The following ASAP1 variants were observed in gnomAD, a reference collection of about 807,000 sequenced individuals.
ASAP1 encodes ArfGAP with SH3 domain, ankyrin repeat and PH domain 1.
A neutral mutation model predicts 145.2 loss-of-function variants in ASAP1; 43 were observed. The ratio of observed to expected loss-of-function variants is 0.30; its 90% CI spans 0.23 to 0.38. The LOEUF is 0.38. Among genes scored for constraint, ASAP1 ranks in the 10% least tolerant of loss-of-function variants. ASAP1 has a pLI of 1.00. For missense variants in ASAP1, 1,018 were observed against 1,355.3 expected, an observed-to-expected ratio of 0.75 and a Z score of 3.91; for synonymous variants, 546 against 515.5, an observed-to-expected ratio of 1.06 and a Z score of -0.80.
chr8:130,303,468 T>A (rs1000456342), intron 3 of ASAP1, among the ~76,000 whole-genome samples: 5 of 152,064 alleles, frequency 3.3e-5, no homozygotes, highest in African/African-American at 1.2e-4. Flanking sequence ...CCTCTACCAC[T>A]TAGTTGGTGA....
At chr8:130,138,540 A>T (rs1266609818) in intron 13 of ASAP1, among the ~76,000 whole-genome samples, 1 of 152,152 alleles carries the variant, frequency 6.6e-6, no homozygotes, top group Non-Finnish European at 1.5e-5. Context: ...AGTTTTTCTG[A>T]GAAAACAGCT....
intron 5 of ASAP1, among the ~76,000 whole-genome samples, chr8:130,212,490 A>G (rs188716632): frequency 6.6e-6 from 1 of 152,338 alleles, no homozygotes; most frequent in African/African-American, 2.4e-5. Flanking sequence ...AGCAAAGGCA[A>G]CGGGTTCAGA....
chr8:130,211,750 T>C (rs1816595642), intron 5 of ASAP1, among the ~76,000 whole-genome samples: 1 of 148,102 alleles, frequency 6.8e-6, no homozygotes, highest in African/African-American at 2.4e-5. Flanking sequence ...AGCATAGACC[T>C]TCGAACATAA....
intron 2 of ASAP1, among the ~76,000 whole-genome samples, chr8:130,375,143 G>C (rs148078026): frequency 2.3e-3 from 353 of 152,272 alleles, no homozygotes; most frequent in African/African-American, 8.1e-3. Flanking sequence ...GGCACTTGGG[G>C]ATCAGCAGGC....
intron 9 of ASAP1, among the ~76,000 whole-genome samples, chr8:130,170,248 G>A (rs146059410): frequency 7.9e-5 from 12 of 151,714 alleles, no homozygotes; most frequent in African/African-American, 1.7e-4. Context: ...GTGCAGCGGC[G>A]TGATCTCAGC....
chr8:130,108,311 C>T (rs976457202), intron 24 of ASAP1, among the ~76,000 whole-genome samples: 5 of 152,194 alleles, frequency 3.3e-5, no homozygotes, highest in African/African-American at 1.2e-4. Context: ...GGCCTGGCTT[C>T]AGGAATAGAT....
At chr8:130,123,752 G>A (rs963167889) in intron 18 of ASAP1, among the ~76,000 whole-genome samples, 30 of 152,024 alleles carry the variant, frequency 2.0e-4, no homozygotes, top group African/African-American at 6.8e-4. Context: ...TCAGCCTCCC[G>A]AGTAGCTGGG....
Position 130,363,359 on chromosome 8 carries a change from CA to C in ASAP1, c.60-5217del, listed in dbSNP as rs138169820. Among the ~76,000 whole-genome samples the C allele has an allele frequency of 6.3e-3, 949 of 151,042 alleles. 10 individuals are homozygous for C. Among genetic ancestry groups the C allele is most frequent in the African/African-American group, 0.022 (916 of 41,320 alleles). On this transcript the variant is annotated intron_variant, in intron 2 of 29. Coordinates refer to ENST00000518721, the MANE Select transcript of ASAP1 (RefSeq NM_018482.4). Reference sequence around the variant, plus strand: ...TGGACAACATGGCGAGACTGCATCTCATTTTTTTTAATAAAAAATAAAATAA... The same window carrying C: ...TGGACAACATGGCGAGACTGCATCTCTTTTTTTTAATAAAAAATAAAATAA...
At chr8:130,207,500 C>T (rs559986192) in intron 5 of ASAP1, among the ~76,000 whole-genome samples, 5 of 152,170 alleles carry the variant, frequency 3.3e-5, no homozygotes, top group Non-Finnish European at 5.9e-5. Flanking sequence ...TACAGCCTAC[C>T]CACAGTGCTT....
At chr8:130,345,468 T>G (rs1471120767) in intron 3 of ASAP1, among the ~76,000 whole-genome samples, 1 of 152,172 alleles carries the variant, frequency 6.6e-6, no homozygotes, top group African/African-American at 2.4e-5. Context: ...TGTATGTGTG[T>G]TTGTTTCCAC....
chr8:130,391,014 A>G (rs1283343134), intron 2 of ASAP1, among the ~76,000 whole-genome samples: 1 of 151,538 alleles, frequency 6.6e-6, no homozygotes, highest in Non-Finnish European at 1.5e-5. Context: ...CATAACAACC[A>G]AAAGGTAGAA....
At chr8:130,166,762 G>T (rs1289182645) in intron 11 of ASAP1, among the ~76,000 whole-genome samples, 1 of 152,084 alleles carries the variant, frequency 6.6e-6, no homozygotes, top group Non-Finnish European at 1.5e-5. Flanking sequence ...GATCTGTACT[G>T]CATTCATCCA....
At chr8:130,368,674 C>G (rs920770077) in intron 2 of ASAP1, among the ~76,000 whole-genome samples, 2 of 152,230 alleles carry the variant, frequency 1.3e-5, no homozygotes, top group African/African-American at 4.8e-5. Context: ...TATGCCTTTT[C>G]TCTCTAAGAC....
At chr8:130,102,248 T>G (rs1055343006) in intron 24 of ASAP1, among the ~76,000 whole-genome samples, 18 of 152,190 alleles carry the variant, frequency 1.2e-4, no homozygotes, top group African/African-American at 4.3e-4. Flanking sequence ...ACATACGGCC[T>G]TTATTATTTT....
chr8:130,368,480 A>G (rs1827064856), intron 2 of ASAP1, among the ~76,000 whole-genome samples: 1 of 152,100 alleles, frequency 6.6e-6, no homozygotes. Context: ...ACTCCAGGTA[A>G]TTTTCTAGAC....
intron 2 of ASAP1, among the ~76,000 whole-genome samples, chr8:130,370,863 C>G (rs528002329): frequency 1.3e-5 from 2 of 152,242 alleles, no homozygotes; most frequent in African/African-American, 4.8e-5. Context: ...AGACAGAAAG[C>G]AGATTAGTGG....
intron 2 of ASAP1, among the ~76,000 whole-genome samples, chr8:130,365,818 A>T (rs1400713327): frequency 6.6e-6 from 1 of 152,204 alleles, no homozygotes; most frequent in Non-Finnish European, 1.5e-5. Flanking sequence ...GACTGAATGA[A>T]TGAATGAACA....
At chr8:130,213,298 GGCA>G (rs551767179) in intron 5 of ASAP1, among the ~76,000 whole-genome samples, 207 of 152,236 alleles carry the variant, frequency 1.4e-3, no homozygotes, top group Non-Finnish European at 2.5e-3. Flanking sequence ...TTAATTCAAT[GGCA>G]TACATCGCCA....
At chr8:130,413,784 G>T (rs1047817115) in intron 1 of ASAP1, among the ~76,000 whole-genome samples, 2 of 152,180 alleles carry the variant, frequency 1.3e-5, no homozygotes, top group Non-Finnish European at 2.9e-5. Flanking sequence ...AAAAAAAGGA[G>T]ATCAGTTCCT....
Sources: gnomAD v4.1 joint callset for allele counts (sites outside exome capture counted in the v4.1 genomes callset) on GRCh38, gnomAD v4.1.1 for gene constraint, MANE v1.5 for transcripts, NCBI Gene and HGNC (gene_info 2026-07-23, HGNC 2026-07-21) for gene names.